Variants in MBTD1 observed in about 807,000 individuals in gnomAD.
MBTD1 encodes the protein mbt domain containing 1, also known as MBT domain-containing protein 1.
A neutral mutation model predicts 87.8 loss-of-function variants in MBTD1; 24 were observed. That is an observed-to-expected ratio of 0.27 (90% CI 0.20 to 0.38). MBTD1 has a LOEUF of 0.38. Ranked by LOEUF, MBTD1 falls within the 10% of genes least tolerant of loss-of-function variation. The pLI, the probability that MBTD1 is intolerant of heterozygous loss-of-function variation, is 1.00. For synonymous variants in MBTD1, 237 were observed against 248.6 expected, an observed-to-expected ratio of 0.95 and a Z score of 0.44; for missense variants, 436 against 760.2, an observed-to-expected ratio of 0.57 and a Z score of 5.02.
At chr17:51,201,752 T>C in intron 11 of MBTD1, 56 bp from the exon 12 acceptor site, 2 of 1,175,034 alleles carry the variant, frequency 1.7e-6, no homozygotes, top group Non-Finnish European at 2.5e-6. Context: ...TTTTGATAAT[T>C]AAAATATTAC....
At chr17:51,200,680 A>T (rs1377024799) in intron 12 of MBTD1, among the ~76,000 whole-genome samples, 1 of 151,726 alleles carries the variant, frequency 6.6e-6, no homozygotes, top group Non-Finnish European at 1.5e-5. Flanking sequence ...CCCAGGCAAC[A>T]TGGTGAAATC....
At chr17:51,240,463 G>A (rs150403981) in intron 2 of MBTD1, among the ~76,000 whole-genome samples, 4 of 152,082 alleles carry the variant, frequency 2.6e-5, no homozygotes, top group Non-Finnish European at 5.9e-5. Context: ...ACAGTTTTGA[G>A]GAATCTTGGT....
chr17:51,192,592 G>T, intron 15 of MBTD1, 190 bp downstream of exon 15: 1 of 973,228 alleles, frequency 1.0e-6, no homozygotes, highest in South Asian at 1.8e-5. Context: ...TTGACTATTG[G>T]ATTCACATTG....
intron 2 of MBTD1, among the ~76,000 whole-genome samples, chr17:51,229,620 G>C (rs1047636747): frequency 6.7e-6 from 1 of 150,344 alleles, no homozygotes; most frequent in Non-Finnish European, 1.5e-5. Context: ...TTATATACAC[G>C]TTCTAATAAT....
At chr17:51,229,562 G>A (rs1568210883) in intron 2 of MBTD1, among the ~76,000 whole-genome samples, 1 of 151,852 alleles carries the variant, frequency 6.6e-6, no homozygotes, top group African/African-American at 2.4e-5. Context: ...TGATTTCTTA[G>A]TCCACACAAT....
At chr17:51,188,127 TACTC>T (rs2050631056) in intron 16 of MBTD1, among the ~76,000 whole-genome samples, 1 of 152,176 alleles carries the variant, frequency 6.6e-6, no homozygotes, top group Non-Finnish European at 1.5e-5. Context: ...ATATACCACA[TACTC>T]ACAGATAAAA....
chr17:51,246,398 T>A (rs1055369370), intron 2 of MBTD1, among the ~76,000 whole-genome samples: 1 of 152,204 alleles, frequency 6.6e-6, no homozygotes, highest in African/African-American at 2.4e-5. Context: ...TTGGAGCATT[T>A]TGGACTTCAG....
chr17:51,210,417 A>G (rs1168394385), intron 6 of MBTD1, among the ~76,000 whole-genome samples: 2 of 152,122 alleles, frequency 1.3e-5, no homozygotes, highest in Admixed American at 6.6e-5. Flanking sequence ...ATTAAGGCTG[A>G]GATAATGCTA....
chr17:51,246,572 A>C (rs2054447820), intron 2 of MBTD1, among the ~76,000 whole-genome samples: 1 of 152,186 alleles, frequency 6.6e-6, no homozygotes, highest in Non-Finnish European at 1.5e-5. Flanking sequence ...TGATTTTTCT[A>C]AGGCTTTCCA....
chr17:51,244,028 G>C (rs2144075105), intron 2 of MBTD1, among the ~76,000 whole-genome samples: 1 of 152,242 alleles, frequency 6.6e-6, no homozygotes, highest in South Asian at 2.1e-4. Flanking sequence ...TGATTACTTT[G>C]TTAAGGTGTA....
chr17:51,192,249 T>C lies in MBTD1; in HGVS notation c.1722A>G (p.Lys574=). The part of the protein sequence containing the change: ...SSRENQSASS[K]QKKKAKSQQY... ...GCTGGGACTTAGCCTTTTTCTTCTGTTTTGATGAAGCTGATTGGTTTTCTC... is the reference window on the plus strand; with the variant it reads ...GCTGGGACTTAGCCTTTTTCTTCTGCTTTGATGAAGCTGATTGGTTTTCTC... The change falls in exon 16 of 17, where the codon AAA becomes AAG. Residue 574 remains lysine (K), a synonymous_variant. Coordinates refer to ENST00000586178, the MANE Select transcript of MBTD1 (RefSeq NM_017643.3). 1 of 1,551,330 alleles carries C rather than the reference T, an allele frequency of 6.4e-7. No individual in the cohort carries two copies. Among genetic ancestry groups the C allele is most frequent in the Non-Finnish European group, 8.7e-7 (1 of 1,146,804 alleles).
intron 6 of MBTD1, among the ~76,000 whole-genome samples, chr17:51,217,027 C>T (rs1242850976): frequency 6.6e-6 from 1 of 151,772 alleles, no homozygotes; most frequent in East Asian, 1.9e-4. Flanking sequence ...ACAGCGAGAC[C>T]ATGTCTTTAC....
rs879662488 is a variant in MBTD1, at chr17:51,210,628, T to C, written c.487-3623A>G. Among the ~76,000 whole-genome samples, 89 of 151,856 alleles carry C rather than the reference T, an allele frequency of 5.9e-4. 2 individuals carry two copies. Among genetic ancestry groups the C allele is most frequent in the Non-Finnish European group, 2.6e-4 (18 of 67,976 alleles). ...AAAATTAGCTGGGTATGGTGGCACA[T>C]GCCTGTAGTTCTAGCTACTTGGGAG... On this transcript the variant is annotated intron_variant, in intron 6 of 16. Coordinates refer to ENST00000586178, the MANE Select transcript of MBTD1 (RefSeq NM_017643.3).
At chr17:51,216,120 C>T (rs752960618) in intron 6 of MBTD1, among the ~76,000 whole-genome samples, 6 of 151,818 alleles carry the variant, frequency 4.0e-5, no homozygotes, top group East Asian at 3.9e-4. Context: ...TTAGTAGAAA[C>T]GGGGTTTCAC....
rs567400177 is a variant in MBTD1 at position 51,178,246 on chromosome 17, A to C, written c.*2330T>G. The C allele has an allele frequency of 6.6e-6, 1 of 152,274 alleles. No homozygotes were observed. The highest frequency in any genetic ancestry group is 2.1e-4 in the South Asian group (1 of 4,828). 9.4% of individuals were successfully genotyped at this position (152,274 alleles called of 1,614,324 possible). On this transcript the variant is annotated 3_prime_UTR_variant, in exon 17 of 17. Coordinates refer to ENST00000586178, the MANE Select transcript of MBTD1 (RefSeq NM_017643.3). ...TATTTTTCGGTTCGTCGGCAGTAGGAGTTAGTGTGTGAACAATGAAAGAGG... is the reference window on the plus strand; with the variant it reads ...TATTTTTCGGTTCGTCGGCAGTAGGCGTTAGTGTGTGAACAATGAAAGAGG...
chr17:51,195,165 A>G (rs1463375494), intron 13 of MBTD1, 49 bp downstream of exon 13: 2 of 1,556,884 alleles, frequency 1.3e-6, no homozygotes, highest in Non-Finnish European at 1.8e-6. Context: ...AAAACCATGT[A>G]AGAAGAAAGC....
At position 51,202,058 on chromosome 17, in the gene MBTD1, A is replaced by C; in HGVS notation, c.1083T>G (p.Asp361Glu). The change falls in exon 11 of 17, where the codon GAT (aspartate) becomes GAG (glutamate). Residue 361 changes from aspartate to glutamate, a missense_variant. Around this residue, in one of 5 missense-constraint regions of MBTD1, gnomAD observed 268 missense variants for 401.8 expected, o/e 0.67. Coordinates refer to ENST00000586178, the MANE Select transcript of MBTD1 (RefSeq NM_017643.3). ...FKRSDITKKQ[D>E]GHFDTPPHLF... ...AATGTGGTGGTGTATCAAAATGTCC[A>C]TCCTGTTTCTTTGTAATATCTACAA... The C allele has an allele frequency of 6.2e-7, 1 of 1,608,174 alleles. No homozygotes were observed. Among genetic ancestry groups the C allele is most frequent in the Non-Finnish European group, 8.5e-7 (1 of 1,175,728 alleles).
intron 2 of MBTD1, among the ~76,000 whole-genome samples, chr17:51,247,441 C>CTTTTTT (rs58720477): frequency 7.6e-6 from 1 of 132,044 alleles, no homozygotes; most frequent in Non-Finnish European, 1.6e-5. Context: ...ATCAGTATTA[C>CTTTTTT]TTTTTTTTTT....
intron 16 of MBTD1, chr17:51,185,989 C>CT (rs2050517426): frequency 6.6e-6 from 1 of 152,638 alleles, no homozygotes; most frequent in South Asian, 2.1e-4. Context: ...TACTTTTACC[C>CT]TCTGAAGTAC....
Sources: allele counts gnomAD v4.1 joint callset (sites outside exome capture counted in the v4.1 genomes callset), GRCh38; gene constraint gnomAD v4.1.1; regional missense constraint gnomAD v4.1.1; transcripts MANE v1.5; gene names NCBI Gene and HGNC (gene_info 2026-07-23, HGNC 2026-07-21).